Variants in MROH1 observed in about 807,000 individuals in gnomAD.
The protein encoded by MROH1 is maestro heat like repeat family member 1, also known as maestro heat-like repeat-containing protein family member 1.
In MROH1, 117 loss-of-function variants were observed where a neutral mutation model predicts 116.5. The ratio of observed to expected loss-of-function variants is 1.00; its 90% CI spans 0.86 to 1.17. The LOEUF (loss-of-function observed/expected upper bound fraction) is 1.17, where lower values mean the gene tolerates loss of function less well. Ranked by LOEUF, MROH1 falls within the 50% of genes most tolerant of loss-of-function variation. The pLI is 0.00. For synonymous variants in MROH1, 921 were observed against 583.9 expected (o/e 1.58, Z -8.32); for missense variants, 1,873 against 1,338.5 (o/e 1.40, Z -6.23).
chr8:144,213,578 C>G (rs1216750652), intron 12 of MROH1: 1 of 153,150 alleles, frequency 6.5e-6, no homozygotes, highest in East Asian at 1.9e-4. Flanking sequence ...CATTTGAGGT[C>G]AGGAGTTCAA....
At chr8:144,242,662 T>A in intron 24 of MROH1, 34 bp downstream of exon 24, 1 of 775,364 alleles carries the variant, frequency 1.3e-6, no homozygotes, top group African/African-American at 1.7e-5. Context: ...CTGGACTGGC[T>A]TCTCTCCTCT....
Position 144,260,806 on chromosome 8 carries a change from C to T in MROH1, c.4510C>T (p.Gln1504Ter). 1.3e-6 allele frequency: 1 copy of T among 778,030 alleles called. No homozygotes were observed. 48.2% of individuals were successfully genotyped at this position (778,030 alleles called of 1,614,324 possible). A position where few individuals can be genotyped will look rare whatever the true frequency, so the allele number is the denominator to read the frequency against. ...GCTGGCGCCCCTGCTGCTGCACCTG[C>T]AGGACCCTCAGGCCACCGTGGCCAG... ...GGLAPLLLHL[Q>*]DPQATVASAC... Residue 1504 changes from glutamine (Q) to a stop codon, truncating the protein, a stop_gained, in exon 40 of 44, where the codon CAG becomes TAG. Transcript: ENST00000326134. LOFTEE classifies it high-confidence loss of function.
At chr8:144,260,163 G>A (rs1295972303) in intron 38 of MROH1, 23 bp from the exon 39 acceptor site, 2 of 763,932 alleles carry the variant, frequency 2.6e-6, no homozygotes, top group Non-Finnish European at 4.8e-6. Context: ...CTGGGACCCA[G>A]GCTGAGTGTA....
chr8:144,233,367 C>T (rs1554823464), intron 14 of MROH1, among the ~76,000 whole-genome samples: 24 of 148,286 alleles, frequency 1.6e-4, no homozygotes, highest in South Asian at 2.2e-4. Context: ...ACCTTCCCTC[C>T]CCCGCAGCTC....
chr8:144,202,615 TGTG>T (rs2131866833), intron 12 of MROH1, among the ~76,000 whole-genome samples: 1 of 33,936 alleles, frequency 2.9e-5, no homozygotes, highest in Non-Finnish European at 8.7e-5. Context: ...GCAGGCTCTC[TGTG>T]GAGGGGTGGG....
chr8:144,168,261 G>A (rs370987649), intron 3 of MROH1, 34 bp from the exon 4 acceptor site: 92 of 1,551,286 alleles, frequency 5.9e-5, no homozygotes, highest in Non-Finnish European at 7.3e-5. Flanking sequence ...GGGCGCTTGG[G>A]CCTGAGCATG....
At chr8:144,191,181 T>C (rs1478991212) in intron 8 of MROH1, among the ~76,000 whole-genome samples, 1 of 152,188 alleles carries the variant, frequency 6.6e-6, no homozygotes, top group Non-Finnish European at 1.5e-5. Flanking sequence ...GCGATTCTCA[T>C]GCCTCAGCCT....
At chr8:144,232,172 C>A (rs1428513947) in intron 14 of MROH1, among the ~76,000 whole-genome samples, 2 of 151,932 alleles carry the variant, frequency 1.3e-5, no homozygotes, top group Non-Finnish European at 2.9e-5. Context: ...ATATTTGTAC[C>A]CATTAATCAG....
chr8:144,160,790 C>G (rs932643321), intron 1 of MROH1, among the ~76,000 whole-genome samples, 180 bp from the exon 2 acceptor site: 3 of 151,372 alleles, frequency 2.0e-5, no homozygotes, highest in Non-Finnish European at 2.9e-5. Flanking sequence ...AAGGGTCCCA[C>G]CGGCTAGAAC....
chr8:144,209,301 G>A (rs558239268), intron 12 of MROH1, among the ~76,000 whole-genome samples: 6 of 152,050 alleles, frequency 3.9e-5, no homozygotes, highest in South Asian at 4.2e-4. Context: ...AGTATAGGCC[G>A]GGCACGGTGG....
chr8:144,179,406 C>T (rs771272549), intron 4 of MROH1, 49 bp from the exon 5 acceptor site: 5 of 1,603,438 alleles, frequency 3.1e-6, no homozygotes, highest in Middle Eastern at 3.4e-4. Flanking sequence ...CTCAGAGTGT[C>T]TGGGTGTGGG....
intron 7 of MROH1, among the ~76,000 whole-genome samples, chr8:144,189,562 G>A (rs1392268867): frequency 4.7e-5 from 7 of 149,824 alleles, no homozygotes; most frequent in South Asian, 4.2e-4. Flanking sequence ...GCCTCTGCCC[G>A]CTCCCAGCTC....
chr8:144,187,203 G>A (rs1181187035), intron 7 of MROH1, among the ~76,000 whole-genome samples: 1 of 152,118 alleles, frequency 6.6e-6, no homozygotes, highest in Non-Finnish European at 1.5e-5. Context: ...TTGAACCCAG[G>A]AGTTTGACAC....
At chr8:144,167,141 A>C (rs577374471) in intron 3 of MROH1, among the ~76,000 whole-genome samples, 91 of 152,090 alleles carry the variant, frequency 6.0e-4, no homozygotes, top group Non-Finnish European at 9.4e-4. Context: ...GAGAGGGGAC[A>C]TCCACAAACC....
At chr8:144,190,280 C>T (rs1324608933) in intron 7 of MROH1, among the ~76,000 whole-genome samples, 1 of 152,196 alleles carries the variant, frequency 6.6e-6, no homozygotes, top group Non-Finnish European at 1.5e-5. Flanking sequence ...GTAATCTCAG[C>T]ACTTTGGGAG....
intron 3 of MROH1, among the ~76,000 whole-genome samples, chr8:144,167,616 C>A (rs150189933): frequency 6.6e-6 from 1 of 152,230 alleles, no homozygotes; most frequent in East Asian, 1.9e-4. Flanking sequence ...CCAGTTGGCA[C>A]AAGTCCCTGG....
intron 11 of MROH1, 89 bp from the exon 12 acceptor site, chr8:144,200,339 C>A: frequency 2.8e-6 from 3 of 1,052,808 alleles, no homozygotes; most frequent in Non-Finnish European, 4.1e-6. Flanking sequence ...TCTCCTCTGG[C>A]TCCTCCCCTG....
chr8:144,173,443 A>G (rs930148713), intron 4 of MROH1, among the ~76,000 whole-genome samples: 6 of 135,322 alleles, frequency 4.4e-5, no homozygotes, highest in Non-Finnish European at 9.5e-5. Context: ...TTTTTTTTTG[A>G]GACAGAGTCT....
At chr8:144,192,425 G>A (rs760687654) in intron 10 of MROH1, 24 bp downstream of exon 10, 14 of 1,554,316 alleles carry the variant, frequency 9.0e-6, no homozygotes, top group African/African-American at 5.4e-5. Context: ...GTCAGGGGGC[G>A]GGTCCAGGTT....
Sources: gnomAD v4.1 joint callset for allele counts (sites outside exome capture counted in the v4.1 genomes callset) on GRCh38, gnomAD v4.1.1 for gene constraint, MANE v1.5 for transcripts, NCBI Gene and HGNC (gene_info 2026-07-23, HGNC 2026-07-21) for gene names.